MBNL1: variants seen among roughly 807,000 people sequenced by gnomAD.
The protein encoded by MBNL1 is muscleblind like splicing regulator 1.
MBNL1 carries 8 observed loss-of-function variants against 42.2 expected under a neutral mutation model. The ratio of observed to expected loss-of-function variants is 0.19; its 90% CI spans 0.11 to 0.34. The LOEUF (loss-of-function observed/expected upper bound fraction) is 0.34, where lower values mean the gene tolerates loss of function less well. Among genes scored for constraint, MBNL1 ranks in the 10% least tolerant of loss-of-function variants. The pLI, the probability that MBNL1 is intolerant of heterozygous loss-of-function variation, is 1.00. For synonymous variants in MBNL1, 169 were observed against 173.9 expected (o/e 0.97, Z 0.22); for missense variants, 309 against 495.3 (o/e 0.62, Z 3.57).
intron 2 of MBNL1, among the ~76,000 whole-genome samples, chr3:152,404,745 T>C (rs1450433812): frequency 6.7e-5 from 10 of 149,586 alleles, no homozygotes; most frequent in African/African-American, 2.4e-4. Context: ...TTTCATTATA[T>C]AATAGTTTTT....
intron 2 of MBNL1, among the ~76,000 whole-genome samples, chr3:152,249,803 TA>T (rs1169015119): frequency 2.1e-5 from 3 of 142,116 alleles, no homozygotes; most frequent in African/African-American, 7.9e-5. Context: ...GTATAAGGTG[TA>T]AGGAAGGGAT....
intron 2 of MBNL1, chr3:152,335,316 TG>T: frequency 8.2e-7 from 1 of 1,226,836 alleles, no homozygotes; most frequent in Non-Finnish European, 1.1e-6. Context: ...ATGACATCCA[TG>T]GGAAATGGCT....
At chr3:152,370,809 A>G (rs1432929220) in intron 2 of MBNL1, among the ~76,000 whole-genome samples, 2 of 149,170 alleles carry the variant, frequency 1.3e-5, no homozygotes, top group Middle Eastern at 3.2e-3. Context: ...ATCAGAGGCT[A>G]GGATTGCAGG....
intron 2 of MBNL1, among the ~76,000 whole-genome samples, chr3:152,320,878 A>G (rs1210847674): frequency 6.6e-6 from 1 of 151,788 alleles, no homozygotes; most frequent in Non-Finnish European, 1.5e-5. Flanking sequence ...TCTCTGTTAC[A>G]CCTAAATTTC....
intron 2 of MBNL1, among the ~76,000 whole-genome samples, chr3:152,390,233 T>A (rs533159118): frequency 4.6e-4 from 70 of 151,876 alleles, no homozygotes; most frequent in Non-Finnish European, 9.0e-4. Flanking sequence ...TACAAAAACT[T>A]TTTTATATCT....
intron 8 of MBNL1, chr3:152,458,570 T>C (rs930814349): frequency 6.3e-5 from 12 of 190,736 alleles, no homozygotes; most frequent in African/African-American, 2.8e-4. Flanking sequence ...GTGCTGCCTC[T>C]CTCAGGTTAG....
intron 2 of MBNL1, chr3:152,340,663 A>C: frequency 6.2e-7 from 1 of 1,614,034 alleles, no homozygotes; most frequent in Non-Finnish European, 8.5e-7. Flanking sequence ...GAGTGTTAGA[A>C]TCTTATTCGC....
At chr3:152,373,398 G>A (rs896531142) in intron 2 of MBNL1, among the ~76,000 whole-genome samples, 1 of 150,886 alleles carries the variant, frequency 6.6e-6, no homozygotes, top group Non-Finnish European at 1.5e-5. Context: ...CTGCCTAAAT[G>A]GCTGCCCTGT....
Position 152,357,318 on chromosome 3 carries a change from C to T in MBNL1, c.174+56951C>T, listed in dbSNP as rs180959940. On this transcript the variant is annotated intron_variant, in intron 2 of 9. Transcript: ENST00000324210. ...ACTCCTTAGTTATATGATCTTTGAACGGACTTTTTACATCTTAGAGCCAAT... is the reference window on the plus strand; with the variant it reads ...ACTCCTTAGTTATATGATCTTTGAATGGACTTTTTACATCTTAGAGCCAAT... Among the ~76,000 whole-genome samples the T allele has an allele frequency of 1.6e-3, 249 of 152,258 alleles. 3 individuals are homozygous for T. Among genetic ancestry groups the T allele is most frequent in the Admixed American group, 1.4e-3 (22 of 15,302 alleles).
rs1731842117 is a variant in MBNL1, at chr3:152,455,465, A to G, written c.962-77A>G. 8 of 1,147,380 alleles carry G rather than the reference A, an allele frequency of 7.0e-6. No homozygotes were observed. In the South Asian group the frequency reaches 8.8e-5, roughly 13 times the overall value. 71.1% of individuals were successfully genotyped at this position (1,147,380 alleles called of 1,614,324 possible). ...TCTTCTTTGTTCAAATGAATTTTCTAATTACACGTGTGATGGGATGTTTTA... is the reference window on the plus strand; with the variant it reads ...TCTTCTTTGTTCAAATGAATTTTCTGATTACACGTGTGATGGGATGTTTTA... On this transcript the variant is annotated intron_variant, in intron 6 of 9. Coordinates refer to ENST00000324210, the MANE Select transcript of MBNL1 (RefSeq NM_021038.5).
chr3:152,340,439 A>ATT, intron 2 of MBNL1: 2 of 1,301,656 alleles, frequency 1.5e-6, no homozygotes, highest in South Asian at 1.6e-5. Flanking sequence ...GTTCAGTTCC[A>ATT]TTTTTTTTTT....
At chr3:152,309,844 CTT>C (rs574182748) in intron 2 of MBNL1, among the ~76,000 whole-genome samples, 158 of 152,312 alleles carry the variant, frequency 1.0e-3, no homozygotes, top group African/African-American at 3.2e-3. Context: ...TATAACTAGT[CTT>C]TGCCTTTTTG....
At chr3:152,355,441 C>T (rs1217984436) in intron 2 of MBNL1, among the ~76,000 whole-genome samples, 4 of 152,046 alleles carry the variant, frequency 2.6e-5, no homozygotes, top group African/African-American at 7.2e-5. Context: ...AATTTGACAT[C>T]AGTTGAATAA....
intron 1 of MBNL1, among the ~76,000 whole-genome samples, chr3:152,298,695 G>A (rs770103784): frequency 1.3e-5 from 2 of 152,186 alleles, no homozygotes; most frequent in Non-Finnish European, 2.9e-5. Flanking sequence ...TAGTTTTACA[G>A]TATGAGTGCT....
intron 4 of MBNL1, among the ~76,000 whole-genome samples, chr3:152,442,633 C>T (rs936217193): frequency 1.3e-5 from 2 of 151,818 alleles, no homozygotes; most frequent in African/African-American, 4.9e-5. Context: ...TTTTGGGTAT[C>T]AGCATAGTCT....
At chr3:152,361,106 C>G (rs1241981725) in intron 2 of MBNL1, among the ~76,000 whole-genome samples, 1 of 151,878 alleles carries the variant, frequency 6.6e-6, no homozygotes. Flanking sequence ...GAAAAAAACC[C>G]ATATACCCAG....
At chr3:152,379,201 T>C (rs569533227) in intron 2 of MBNL1, among the ~76,000 whole-genome samples, 62 of 152,196 alleles carry the variant, frequency 4.1e-4, no homozygotes, top group Non-Finnish European at 7.8e-4. Context: ...ACCCTTGGGT[T>C]TCTCTTGGCA....
Position 152,397,889 on chromosome 3 carries a change from G to A in MBNL1, c.175-17052G>A, listed in dbSNP as rs916584403. 1.1e-4 allele frequency among the ~76,000 whole-genome samples: 16 copies of A among 152,256 alleles called. No individual in the cohort carries two copies. The East Asian group carries it at 2.9e-3, about 28-fold the overall frequency. ...TTAGAAGAAATTCTATTTTGTTTGT[G>A]TAATCAGTTCATTTTATTGTCAGCC... On this transcript the variant is annotated intron_variant, in intron 2 of 9. Coordinates refer to ENST00000324210, the MANE Select transcript of MBNL1 (RefSeq NM_021038.5).
intron 2 of MBNL1, among the ~76,000 whole-genome samples, chr3:152,400,653 A>T (rs1242734792): frequency 6.6e-6 from 1 of 152,154 alleles, no homozygotes; most frequent in African/African-American, 2.4e-5. Flanking sequence ...GTGATTATGC[A>T]GGTGTTGCTG....
Sources: gnomAD v4.1 joint callset for allele counts (sites outside exome capture counted in the v4.1 genomes callset) on GRCh38, gnomAD v4.1.1 for gene constraint, MANE v1.5 for transcripts, NCBI Gene and HGNC (gene_info 2026-07-23, HGNC 2026-07-21) for gene names.